Variants in RSU1 observed in about 807,000 individuals in gnomAD.
RSU1 encodes rsu-1.
In RSU1, 26 loss-of-function variants were observed where a neutral mutation model predicts 31.1. The observed-to-expected ratio is 0.84, with a 90% CI of 0.61 to 1.16. The LOEUF is 1.16. RSU1 is among the 50% of genes most tolerant of loss of function. The probability of loss-of-function intolerance (pLI) is 0.00; values close to 1 mark genes in which losing one functional copy is unlikely to be tolerated. For missense variants in RSU1, 320 were observed against 339.1 expected (o/e 0.94, Z 0.44); for synonymous variants, 164 against 136.3 (o/e 1.20, Z -1.41).
At chr10:16,688,656 T>C (rs1835484497) in intron 8 of RSU1, among the ~76,000 whole-genome samples, 1 of 152,070 alleles carries the variant, frequency 6.6e-6, no homozygotes. Context: ...GAAGAAAATA[T>C]ATATCACCAG....
At chr10:16,617,321 C>A (rs1833994502) in intron 8 of RSU1, among the ~76,000 whole-genome samples, 1 of 152,076 alleles carries the variant, frequency 6.6e-6, no homozygotes. Context: ...AACCACTGCT[C>A]AAGAAAATAA....
chr10:16,749,617 GACACAAAAAA>G (rs1836932134), intron 7 of RSU1, among the ~76,000 whole-genome samples: 2 of 152,034 alleles, frequency 1.3e-5, no homozygotes, highest in Non-Finnish European at 2.9e-5. Flanking sequence ...AGGCGTTGGG[GACACAAAAAA>G]ACCAAAGACG....
At chr10:16,786,499 T>C (rs1258372377) in intron 2 of RSU1, among the ~76,000 whole-genome samples, 1 of 152,036 alleles carries the variant, frequency 6.6e-6, no homozygotes, top group African/African-American at 2.4e-5. Flanking sequence ...TTGTGGGAAA[T>C]AATATTTATA....
At chr10:16,617,213 C>A (rs1309203383) in intron 8 of RSU1, among the ~76,000 whole-genome samples, 2 of 152,184 alleles carry the variant, frequency 1.3e-5, no homozygotes, top group Admixed American at 6.5e-5. Context: ...AGAGTGAAAT[C>A]ATGAGTGAGC....
intron 8 of RSU1, among the ~76,000 whole-genome samples, chr10:16,691,820 C>A (rs1281635507): frequency 6.6e-6 from 1 of 150,676 alleles, no homozygotes; most frequent in East Asian, 1.9e-4. Context: ...CTCACTGCAA[C>A]CTCCACCTCT....
chr10:16,705,857 G>C (rs961638129), intron 7 of RSU1, among the ~76,000 whole-genome samples: 2 of 152,086 alleles, frequency 1.3e-5, no homozygotes, highest in African/African-American at 4.8e-5. Context: ...GCACAGGCTG[G>C]TGGTGGACTT....
At chr10:16,621,530 A>G (rs989768933) in intron 8 of RSU1, among the ~76,000 whole-genome samples, 3 of 152,216 alleles carry the variant, frequency 2.0e-5, no homozygotes, top group Non-Finnish European at 4.4e-5. Flanking sequence ...ACTGCTAAGA[A>G]AGACATACCC....
chr10:16,703,042 A>G (rs1202618792), intron 7 of RSU1, among the ~76,000 whole-genome samples: 1 of 152,138 alleles, frequency 6.6e-6, no homozygotes, highest in African/African-American at 2.4e-5. Context: ...CTAGTTGTTT[A>G]AAAGTGTGGG....
At chr10:16,656,312 C>T (rs895172463) in intron 8 of RSU1, among the ~76,000 whole-genome samples, 1 of 152,094 alleles carries the variant, frequency 6.6e-6, no homozygotes, top group Non-Finnish European at 1.5e-5. Flanking sequence ...TTCTCAAAGT[C>T]ATTAAACCAT....
intron 8 of RSU1, among the ~76,000 whole-genome samples, chr10:16,673,117 C>T (rs1193789070): frequency 6.6e-6 from 1 of 152,192 alleles, no homozygotes. Context: ...TTGTACATTT[C>T]CTTAGAGGGT....
intron 8 of RSU1, among the ~76,000 whole-genome samples, chr10:16,646,792 T>A (rs1316809945): frequency 6.6e-6 from 1 of 152,040 alleles, no homozygotes; most frequent in African/African-American, 2.4e-5. Context: ...ATGTCCAGCA[T>A]CAAAGCCGTT....
chr10:16,620,929 A>G (rs1222058775), intron 8 of RSU1, among the ~76,000 whole-genome samples: 1 of 152,188 alleles, frequency 6.6e-6, no homozygotes, highest in East Asian at 1.9e-4. Context: ...TTGAACAACA[A>G]TGCAAACTGG....
At chr10:16,752,409 A>T (rs1012438592) in intron 7 of RSU1, 130 bp downstream of exon 7, 124 of 682,134 alleles carry the variant, frequency 1.8e-4, no homozygotes, top group Non-Finnish European at 3.0e-4. Flanking sequence ...ATGGTTCTCA[A>T]ATGATCAGCA....
chr10:16,697,200 G>C (rs978760290), intron 7 of RSU1, among the ~76,000 whole-genome samples: 1 of 152,166 alleles, frequency 6.6e-6, no homozygotes, highest in Non-Finnish European at 1.5e-5. Context: ...GCCCTCATCA[G>C]CTGGGAATGG....
intron 3 of RSU1, among the ~76,000 whole-genome samples, chr10:16,781,659 ATTT>A (rs112244441): frequency 6.6e-6 from 1 of 151,904 alleles, no homozygotes; most frequent in African/African-American, 2.4e-5. Context: ...CAACAATGTC[ATTT>A]TTTTTCTCTT....
intron 8 of RSU1, 53 bp downstream of exon 8, chr10:16,694,964 GTAATTA>G (rs1835642924): frequency 1.4e-6 from 2 of 1,461,618 alleles, no homozygotes; most frequent in Non-Finnish European, 1.9e-6. Context: ...TTTTAAAGGC[GTAATTA>G]TAAATACTAT....
chr10:16,695,279 T>A (rs1835653338), intron 7 of RSU1, 124 bp from the exon 8 acceptor site: 2 of 895,486 alleles, frequency 2.2e-6, no homozygotes, highest in East Asian at 5.2e-5. Flanking sequence ...TTGGATCATT[T>A]GATGTCTTTT....
intron 8 of RSU1, among the ~76,000 whole-genome samples, chr10:16,628,016 G>A (rs1834187448): frequency 6.6e-6 from 1 of 152,168 alleles, no homozygotes; most frequent in Non-Finnish European, 1.5e-5. Context: ...GAGTTAGAGG[G>A]AGACTAATAA....
intron 8 of RSU1, among the ~76,000 whole-genome samples, chr10:16,613,176 A>G (rs1833921978): frequency 6.6e-6 from 1 of 152,218 alleles, no homozygotes; most frequent in Non-Finnish European, 1.5e-5. Context: ...TAACTCCAAA[A>G]GGCACACCAG....
Sources: gnomAD v4.1 joint callset for allele counts (sites outside exome capture counted in the v4.1 genomes callset) on GRCh38, gnomAD v4.1.1 for gene constraint, MANE v1.5 for transcripts, NCBI Gene and HGNC (gene_info 2026-07-23, HGNC 2026-07-21) for gene names.